GULP1: variants seen among roughly 807,000 people sequenced by gnomAD.
GULP1 encodes the protein PTB domain-containing engulfment adapter protein 1.
A neutral mutation model predicts 40.9 loss-of-function variants in GULP1; 19 were observed. The observed-to-expected ratio is 0.46, with a 90% CI of 0.32 to 0.68. The LOEUF is 0.68. Ranked by LOEUF, GULP1 falls within the 30% of genes least tolerant of loss-of-function variation. GULP1 has a pLI of 0.03. For synonymous variants in GULP1, 119 were observed against 117.6 expected (o/e 1.01, Z -0.08); for missense variants, 312 against 362.2 (o/e 0.86, Z 1.12).
At chr2:188,471,440 T>G (rs919418465) in intron 2 of GULP1, among the ~76,000 whole-genome samples, 1 of 152,128 alleles carries the variant, frequency 6.6e-6, no homozygotes, top group Non-Finnish European at 1.5e-5. Flanking sequence ...GATCTTCTCT[T>G]CCTTTTTTCT....
At chr2:188,344,791 CTG>C (rs2043405675) in intron 1 of GULP1, among the ~76,000 whole-genome samples, 1 of 152,160 alleles carries the variant, frequency 6.6e-6, no homozygotes, top group South Asian at 2.1e-4. Flanking sequence ...TTTTTTAAAA[CTG>C]TACTCATTGC....
chr2:188,419,227 T>C (rs1480130088), intron 2 of GULP1, among the ~76,000 whole-genome samples: 1 of 152,046 alleles, frequency 6.6e-6, no homozygotes, highest in Non-Finnish European at 1.5e-5. Flanking sequence ...CCAGTATTAA[T>C]TTCTAGAACA....
chr2:188,514,082 T>TGTGTGTGC lies in GULP1; in HGVS notation c.91-8673_91-8672insTGTGTGCG, dbSNP rs766246317. Reference sequence around the variant, plus strand: ...GTGTGTGTGTGTGTGTGTGTGTGTGTGCGCCCTGCCACTGGGTGGCGTCCT... The same window carrying TGTGTGTGC: ...GTGTGTGTGTGTGTGTGTGTGTGTGTGTGTGTGCGCGCCCTGCCACTGGGTGGCGTCCT... On this transcript the variant is annotated intron_variant, in intron 4 of 11. Coordinates refer to ENST00000409830, the MANE Select transcript of GULP1 (RefSeq NM_016315.4). Among the ~76,000 whole-genome samples the TGTGTGTGC allele has an allele frequency of 2.9e-3, 437 of 149,312 alleles. 2 individuals are homozygous for TGTGTGTGC. Among genetic ancestry groups the TGTGTGTGC allele is most frequent in the African/African-American group, 7.9e-3 (317 of 40,186 alleles).
intron 1 of GULP1, among the ~76,000 whole-genome samples, chr2:188,358,131 A>AGATT (rs2045602327): frequency 6.6e-6 from 1 of 152,166 alleles, no homozygotes; most frequent in African/African-American, 2.4e-5. Context: ...CAGTGAGCCA[A>AGATT]GATTGCTCCA....
At chr2:188,424,892 T>G in intron 2 of GULP1, among the ~76,000 whole-genome samples, 1 of 152,176 alleles carries the variant, frequency 6.6e-6, no homozygotes. Flanking sequence ...ATGGAATTTC[T>G]TGTAAAATGT....
chr2:188,390,958 T>TA (rs939574653), intron 2 of GULP1, among the ~76,000 whole-genome samples: 2 of 152,158 alleles, frequency 1.3e-5, no homozygotes, highest in Non-Finnish European at 2.9e-5. Flanking sequence ...TCTTCTCTAT[T>TA]ATGGTCCATT....
chr2:188,317,906 A>G (rs895292641), intron 1 of GULP1, among the ~76,000 whole-genome samples: 7 of 151,970 alleles, frequency 4.6e-5, no homozygotes, highest in African/African-American at 1.7e-4. Flanking sequence ...GATTGATTTT[A>G]TGATCACAGC....
At chr2:188,508,658 G>A (rs543112627) in intron 4 of GULP1, among the ~76,000 whole-genome samples, 1 of 151,802 alleles carries the variant, frequency 6.6e-6, no homozygotes, top group Non-Finnish European at 1.5e-5. Flanking sequence ...CAGCTTCCCA[G>A]CAGATTCCTT....
rs1050928401 is a variant in GULP1, at chr2:188,419,556, G to GT, written c.-45+35678dup. ...CCCATTTTTTAATTGGGCCATTTGT[G>GT]TTTTTTTTTTTAATATTGAGTTATA... On this transcript the variant is annotated intron_variant, in intron 2 of 11. Transcript: ENST00000409830. Among the ~76,000 whole-genome samples the GT allele has an allele frequency of 3.0e-3, 419 of 140,480 alleles. 1 individual carries two copies. The highest frequency in any genetic ancestry group is 4.1e-3 in the Non-Finnish European group (264 of 63,808). The allele number at this position is 140,480 out of a possible 152,430, so 92.2% of individuals were successfully genotyped here. A position where few individuals can be genotyped will look rare whatever the true frequency, so the allele number is the denominator to read the frequency against.
At chr2:188,551,368 C>T (rs980363232) in intron 7 of GULP1, among the ~76,000 whole-genome samples, 1 of 151,702 alleles carries the variant, frequency 6.6e-6, no homozygotes, top group African/African-American at 2.4e-5. Context: ...TTTCTACTCT[C>T]TACCTCCATG....
rs552999071 is a variant in GULP1, at chr2:188,393,334, CCTT to C, written c.-45+9449_-45+9451del. 1.9e-3 allele frequency among the ~76,000 whole-genome samples: 290 copies of C among 151,754 alleles called. 2 individuals are homozygous for C. Among genetic ancestry groups the C allele is most frequent in the South Asian group, 4.6e-3 (22 of 4,816 alleles). Reference sequence around the variant, plus strand: ...TGATTTTTTTATTATTATGTAATGACCTTCTTTTTTTATTCTTTCTGCTTTAAA... The same window carrying C: ...TGATTTTTTTATTATTATGTAATGACCTTTTTTTATTCTTTCTGCTTTAAA... On this transcript the variant is annotated intron_variant, in intron 2 of 11. Coordinates refer to ENST00000409830, the MANE Select transcript of GULP1 (RefSeq NM_016315.4).
chr2:188,300,185 T>C (rs2035872840), intron 1 of GULP1, among the ~76,000 whole-genome samples: 1 of 152,146 alleles, frequency 6.6e-6, no homozygotes, highest in South Asian at 2.1e-4. Context: ...TTTCAGAACA[T>C]GCAAATTAAA....
At chr2:188,346,274 A>G (rs568553304) in intron 1 of GULP1, among the ~76,000 whole-genome samples, 3 of 152,256 alleles carry the variant, frequency 2.0e-5, no homozygotes, top group South Asian at 2.1e-4. Context: ...CTTGAGCCCA[A>G]AAAGAACTCT....
chr2:188,421,152 A>G (rs970311064), intron 2 of GULP1, among the ~76,000 whole-genome samples: 1 of 152,152 alleles, frequency 6.6e-6, no homozygotes, highest in African/African-American at 2.4e-5. Context: ...TATGTAGAAA[A>G]CTTAAACACT....
intron 2 of GULP1, among the ~76,000 whole-genome samples, chr2:188,471,491 G>C (rs1332776620): frequency 1.3e-5 from 2 of 151,908 alleles, no homozygotes; most frequent in African/African-American, 2.4e-5. Context: ...ATTTTGTCTG[G>C]TGATATGATT....
At chr2:188,456,489 A>G (rs528108946) in intron 2 of GULP1, among the ~76,000 whole-genome samples, 6 of 152,292 alleles carry the variant, frequency 3.9e-5, no homozygotes, top group Non-Finnish European at 8.8e-5. Context: ...CAGCTTCCAC[A>G]TGGTGTTGAG....
At chr2:188,560,149 C>T (rs2153407677) in intron 7 of GULP1, among the ~76,000 whole-genome samples, 1 of 152,262 alleles carries the variant, frequency 6.6e-6, no homozygotes, top group East Asian at 1.9e-4. Flanking sequence ...AAGTTCCAAC[C>T]TTAGGTAATT....
chr2:188,307,623 A>G (rs890719702), intron 1 of GULP1, among the ~76,000 whole-genome samples: 2 of 152,198 alleles, frequency 1.3e-5, no homozygotes, highest in Non-Finnish European at 2.9e-5. Flanking sequence ...ACATTTAAGA[A>G]TACTGGAGTT....
rs554677761 is a variant in GULP1 at position 188,477,327 on chromosome 2, A to C, written c.-44-332A>C. Among the ~76,000 whole-genome samples the C allele has an allele frequency of 2.5e-3, 378 of 152,282 alleles. 3 individuals carry two copies. Among genetic ancestry groups the C allele is most frequent in the African/African-American group, 8.6e-3 (357 of 41,582 alleles). ...AATAAAAAGTAAAGTGTTTATATACACACCTCTTGTCAACAAGCTGAGGAA... is the reference window on the plus strand; with the variant it reads ...AATAAAAAGTAAAGTGTTTATATACCCACCTCTTGTCAACAAGCTGAGGAA... On this transcript the variant is annotated intron_variant, in intron 2 of 11. Transcript: ENST00000409830.
Sources: gnomAD v4.1 joint callset for allele counts (sites outside exome capture counted in the v4.1 genomes callset) on GRCh38, gnomAD v4.1.1 for gene constraint, MANE v1.5 for transcripts, NCBI Gene and HGNC (gene_info 2026-07-23, HGNC 2026-07-21) for gene names.